Variants in NYNRIN observed in about 807,000 individuals in gnomAD.
NYNRIN encodes the protein NYN domain and retroviral integrase containing.
Under a neutral mutation model 146.6 loss-of-function variants are expected in NYNRIN, and 86 were observed. The ratio of observed to expected loss-of-function variants is 0.59; its 90% CI spans 0.49 to 0.70. The LOEUF is 0.70. NYNRIN is among the 30% of genes least tolerant of loss of function. The pLI is 0.00. For synonymous variants in NYNRIN, 1,027 were observed against 1,001.3 expected (o/e 1.03, Z -0.48); for missense variants, 2,191 against 2,377.7 (o/e 0.92, Z 1.63).
At position 24,417,541 on chromosome 14, in the gene NYNRIN, C is replaced by T. The variant is rs2042956682; in HGVS notation, c.*95C>T. On this transcript the variant is annotated 3_prime_UTR_variant, in exon 9 of 9. Transcript: ENST00000382554. ...GCAGTGCTCTCAGTCCACTGGGGGC[C>T]CTCAGTTGTGCCTTTTGTAGAGAAC... 1.4e-6 allele frequency: 2 copies of T among 1,386,146 alleles called. No individual in the cohort carries two copies. The highest frequency in any genetic ancestry group is 1.4e-5 in the African/African-American group (1 of 69,026). The allele number at this position is 1,386,146 out of a possible 1,614,324, so 85.9% of individuals were successfully genotyped here.
At position 24,408,876 on chromosome 14, in the gene NYNRIN, C is replaced by T. The variant is rs373163147; in HGVS notation, c.1082C>T (p.Pro361Leu). 2.3e-5 allele frequency: 37 copies of T among 1,613,998 alleles called. No individual in the cohort carries two copies. Among genetic ancestry groups the T allele is most frequent in the African/African-American group, 5.3e-5 (4 of 75,054 alleles). ...GGGCCAGCCTTTGGGCCATTGTGGC[C>T]GGGGGCTATTGCTGCAACCTTCTGG... ...TPGPAFGPLW[P>L]GAIAATFWRI... is the part of the protein sequence containing the mutation. The change falls in exon 4 of 9, where the codon CCG (proline) becomes CTG (leucine). Residue 361 changes from proline (P) to leucine (L), a missense_variant. Pro to Leu is a moderately conservative substitution (Grantham distance 98). This residue lies in a region of NYNRIN where 895 missense variants were observed against 941.2 expected (regional missense o/e 0.95). Coordinates refer to ENST00000382554, the MANE Select transcript of NYNRIN (RefSeq NM_025081.3).
At chr14:24,401,764 T>C (rs1418353188) in intron 2 of NYNRIN, among the ~76,000 whole-genome samples, 1 of 152,246 alleles carries the variant, frequency 6.6e-6, no homozygotes, top group Non-Finnish European at 1.5e-5. Flanking sequence ...ACTAGCTGCG[T>C]AACTTTGAGC....
intron 6 of NYNRIN, among the ~76,000 whole-genome samples, chr14:24,412,034 C>T (rs1216237422): frequency 6.6e-6 from 1 of 152,196 alleles, no homozygotes; most frequent in Admixed American, 6.5e-5. Context: ...CTGGCATAGT[C>T]ACTGGTCCTG....
intron 2 of NYNRIN, 60 bp downstream of exon 2, chr14:24,399,504 C>A: frequency 7.1e-7 from 1 of 1,408,874 alleles, no homozygotes; most frequent in Non-Finnish European, 9.7e-7. Flanking sequence ...TCTCCCCTTC[C>A]CCTGGGGAGA....
chr14:24,408,012 C>G lies in NYNRIN; in HGVS notation c.342C>G (p.Pro114=), dbSNP rs1335103104. ...CCCTTGCCTACCTGGTGCCTGGCCC[C>G]CCTGGCTCCCTGATGGTGGGCGGGC... ...WSTLAYLVPG[P]PGSLMVGGLT... is the part of the protein sequence containing the mutation. The change falls in exon 3 of 9, where the codon CCC becomes CCG. Residue 114 remains proline, a synonymous_variant. Coordinates refer to ENST00000382554, the MANE Select transcript of NYNRIN (RefSeq NM_025081.3). 4 of 1,614,030 alleles carry G rather than the reference C, an allele frequency of 2.5e-6. No homozygotes were observed. Among genetic ancestry groups the G allele is most frequent in the Admixed American group, 3.3e-5 (2 of 60,028 alleles).
At chr14:24,406,247 A>AAATAAAATAAAAT in intron 2 of NYNRIN, among the ~76,000 whole-genome samples, 1 of 151,154 alleles carries the variant, frequency 6.6e-6, no homozygotes, top group South Asian at 2.1e-4. Context: ...AAAATAAAAT[A>AAATAAAATAAAAT]AAATATTGGA....
rs1284250945 is a variant in NYNRIN, at chr14:24,411,495, G to C, written c.2642+45G>C. The stretch of plus-strand genomic sequence containing the variant: ...TGCCCTCCTGGGCTCAGGGAGTTGG[G>C]CCTGGCTGGTGTGTCAGGTGGAGTC... On this transcript the variant is annotated intron_variant, in intron 6 of 8. Transcript: ENST00000382554. The surrounding 1 kb of genome is among the most constrained non-coding windows in gnomAD (Gnocchi z 4.3). 1 of 1,552,162 alleles carries C rather than the reference G, an allele frequency of 6.4e-7. No individual in the cohort carries two copies. Among genetic ancestry groups the C allele is most frequent in the East Asian group, 2.2e-5 (1 of 44,618 alleles).
chr14:24,415,777 T>G lies in NYNRIN; in HGVS notation c.4028T>G (p.Phe1343Cys). 6.2e-7 allele frequency: 1 copy of G among 1,613,946 alleles called. No individual in the cohort carries two copies. The highest frequency in any genetic ancestry group is 8.5e-7 in the Non-Finnish European group (1 of 1,179,864). ...SPTSPPVSLS[F>C]SCSPYTPTYA... ...ACCAGCCCCCCTGTCTCCCTTTCCT[T>G]CTCCTGCTCCCCTTACACGCCAACC... The change falls in exon 9 of 9, where the codon TTC (phenylalanine) becomes TGC (cysteine). Residue 1343 changes from phenylalanine (F) to cysteine (C), a missense_variant. Phe to Cys is a radical substitution (Grantham distance 205). Transcript: ENST00000382554.
chr14:24,399,268 C>G lies in NYNRIN; in HGVS notation c.22C>G (p.Pro8Ala). Reference protein sequence around the residue: MLLSGGDPPAQEWFMVQT... With the variant: MLLSGGDAPAQEWFMVQT... ...AGCCATGCTCCTGTCTGGGGGCGAT[C>G]CTCCGGCGCAGGAATGGTTCATGGT... Residue 8 changes from proline (P) to alanine (A), a missense_variant, in exon 2 of 9, where the codon CCT (proline) becomes GCT (alanine). Around this residue, in one of 3 missense-constraint regions of NYNRIN, gnomAD observed 895 missense variants for 941.2 expected, o/e 0.95. Transcript: ENST00000382554. 6.2e-7 allele frequency: 1 copy of G among 1,613,904 alleles called. No homozygotes were observed. The highest frequency in any genetic ancestry group is 8.5e-7 in the Non-Finnish European group (1 of 1,179,860).
chr14:24,417,326 ACT>A lies in NYNRIN; in HGVS notation c.5580_5581del (p.Tyr1861Ter). 1 of 1,610,786 alleles carries A rather than the reference ACT, an allele frequency of 6.2e-7. No individual in the cohort carries two copies. Among genetic ancestry groups the A allele is most frequent in the Non-Finnish European group, 8.5e-7 (1 of 1,178,460 alleles). On this transcript the variant is annotated frameshift_variant, in exon 9 of 9. Transcript: ENST00000382554. LOFTEE classifies it high-confidence loss of function. ...FYIGDRLSLS[L>X]YRIWGFPTPE... ...ATATCGGGGACCGGCTGAGCCTGTC[ACT>A]CTATAGGATATGGGGCTTCCCAACC...
rs1391502797 is a variant in NYNRIN at position 24,415,013 on chromosome 14, C to T, written c.3264C>T (p.Pro1088=). ...VLAHLAQLTI[P]SNFTALSFFM... is the part of the protein sequence containing the mutation. ...CCCACCTGGCCCAGCTCACCATCCC[C>T]AGCAACTTCACCGCACTCTCCTTCT... Residue 1088 remains proline (P), a synonymous_variant, in exon 9 of 9, where the codon CCC becomes CCT. Transcript: ENST00000382554. 3.1e-6 allele frequency: 5 copies of T among 1,604,326 alleles called. No homozygotes were observed. The highest frequency in any genetic ancestry group is 1.1e-5 in the South Asian group (1 of 90,654).
chr14:24,399,394 T>C lies in NYNRIN; in HGVS notation c.148T>C (p.Tyr50His), dbSNP rs762516672. The stretch of plus-strand genomic sequence containing the variant: ...CTTCCAGAGCCGCCCGGACACCCCC[T>C]ACTTCTGGCTACAGCTCGAGGGGCC... ...NAFQSRPDTP[Y>H]FWLQLEGPRE... The change falls in exon 2 of 9, where the codon TAC becomes CAC. Residue 50 changes from tyrosine to histidine, a missense_variant. Transcript: ENST00000382554. 11 of 1,613,506 alleles carry C rather than the reference T, an allele frequency of 6.8e-6. No individual in the cohort carries two copies. The Admixed American group carries it at 1.5e-4, about 22-fold the overall frequency.
rs1310053404 is a variant in NYNRIN at position 24,415,109 on chromosome 14, C to T, written c.3360C>T (p.Ser1120=). The part of the protein sequence containing the change: ...DYEALVGPLH[S]LLKQKPDWQW... ...AAGCCCTAGTGGGCCCCCTGCACAG[C>T]CTCCTCAAGCAGAAGCCTGACTGGC... Residue 1120 remains serine (S), a synonymous_variant, in exon 9 of 9, where the codon AGC becomes AGT. Transcript: ENST00000382554. 4.4e-6 allele frequency: 7 copies of T among 1,607,754 alleles called. No individual in the cohort carries two copies. Among genetic ancestry groups the T allele is most frequent in the Non-Finnish European group, 5.1e-6 (6 of 1,179,646 alleles).
Position 24,408,675 on chromosome 14 carries a change from G to T in NYNRIN, c.881G>T (p.Gly294Val), listed in dbSNP as rs1464222690. ...AGGGTCGGTTCCAACAACCAAGATG[G>T]TATGGACAGTGCTCAAGAGGAAGGG... ...LVRVGSNNQD[G>V]MDSAQEEGTV... The change falls in exon 4 of 9, where the codon GGT (glycine) becomes GTT (valine). Residue 294 changes from glycine (G) to valine (V), a missense_variant. Transcript: ENST00000382554. 1.2e-6 allele frequency: 2 copies of T among 1,611,240 alleles called. No individual in the cohort carries two copies. Among genetic ancestry groups the T allele is most frequent in the Non-Finnish European group, 8.5e-7 (1 of 1,178,522 alleles).
At chr14:24,406,481 GT>G (rs972552065) in intron 2 of NYNRIN, among the ~76,000 whole-genome samples, 1 of 152,186 alleles carries the variant, frequency 6.6e-6, no homozygotes, top group Non-Finnish European at 1.5e-5. Flanking sequence ...GGTAGGAGGG[GT>G]TGGCTTGGGA....
At position 24,415,649 on chromosome 14, in the gene NYNRIN, T is replaced by C; in HGVS notation, c.3900T>C (p.Pro1300=). 6.2e-7 allele frequency: 1 copy of C among 1,614,050 alleles called. No individual in the cohort carries two copies. Among genetic ancestry groups the C allele is most frequent in the Middle Eastern group, 1.6e-4 (1 of 6,062 alleles). The stretch of plus-strand genomic sequence containing the variant: ...CTCGCTTCTTCCAGGTTCTGCCGCC[T>C]TTCTCTGACCTGTCCACGTTCGTCT... ...SMPRFFQVLP[P]FSDLSTFVCI... Residue 1300 remains proline, a synonymous_variant, in exon 9 of 9, where the codon CCT becomes CCC. Transcript: ENST00000382554.
In NYNRIN at chr14:24,411,066, G is replaced by T. The variant is rs372375905; in HGVS notation, c.2415-10G>T. On this transcript the variant is annotated splice_polypyrimidine_tract_variant and intron_variant, in intron 4 of 8. Coordinates refer to ENST00000382554, the MANE Select transcript of NYNRIN (RefSeq NM_025081.3). This position sits in a 1 kb window ranked among gnomAD's most constrained non-coding sequence, Gnocchi z 4.3. Reference sequence around the variant, plus strand: ...GAGGCAGGGTCTTTCCTTGTCCCACGACCCCACAGGCATGGCCTGCAGCAC... The same window carrying T: ...GAGGCAGGGTCTTTCCTTGTCCCACTACCCCACAGGCATGGCCTGCAGCAC... 1 of 1,613,376 alleles carries T rather than the reference G, an allele frequency of 6.2e-7. No homozygotes were observed. The highest frequency in any genetic ancestry group is 1.1e-5 in the South Asian group (1 of 91,040).
In NYNRIN at chr14:24,415,790, T is replaced by G; in HGVS notation, c.4041T>G (p.Pro1347=). The change falls in exon 9 of 9, where the codon CCT becomes CCG. Residue 1347 remains proline (P), a synonymous_variant. Transcript: ENST00000382554. ...PPVSLSFSCS[P]YTPTYAHLAA... ...TCTCCCTTTCCTTCTCCTGCTCCCC[T>G]TACACGCCAACCTATGCCCACCTGG... 1 of 1,613,954 alleles carries G rather than the reference T, an allele frequency of 6.2e-7. No individual in the cohort carries two copies. The highest frequency in any genetic ancestry group is 8.5e-7 in the Non-Finnish European group (1 of 1,179,886).
At chr14:24,399,545 C>T (rs2042827775) in intron 2 of NYNRIN, 101 bp downstream of exon 2, 4 of 1,082,080 alleles carry the variant, frequency 3.7e-6, no homozygotes, top group African/African-American at 1.6e-5. Context: ...ACCCACCCTG[C>T]CCCCGCCTGG....
Sources: gnomAD v4.1 joint callset for allele counts (sites outside exome capture counted in the v4.1 genomes callset) on GRCh38, gnomAD v4.1.1 for gene constraint, gnomAD v4.1.1 regional missense constraint, Gnocchi (gnomAD v3.1) non-coding constraint, MANE v1.5 for transcripts, NCBI Gene and HGNC (gene_info 2026-07-23, HGNC 2026-07-21) for gene names.